The following RAPGEF6 variants were observed in gnomAD, a reference collection of about 807,000 sequenced individuals.
RAPGEF6 encodes Rap guanine nucleotide exchange factor 6.
In RAPGEF6, 56 loss-of-function variants were observed where a neutral mutation model predicts 171.4. The ratio of observed to expected loss-of-function variants is 0.33; its 90% CI spans 0.26 to 0.41. The LOEUF is 0.41. RAPGEF6 is among the 10% of genes least tolerant of loss of function. RAPGEF6 has a pLI of 1.00. For missense variants in RAPGEF6, 1,674 were observed against 1,921.4 expected, an observed-to-expected ratio of 0.87 and a Z score of 2.41; for synonymous variants, 692 against 650.1, an observed-to-expected ratio of 1.06 and a Z score of -0.98.
intron 26 of RAPGEF6, 145 bp downstream of exon 26, chr5:131,430,714 G>T: frequency 8.6e-7 from 1 of 1,162,556 alleles, no homozygotes; most frequent in Non-Finnish European, 1.3e-6. Flanking sequence ...TGAATTTTTG[G>T]GAAATAACTT....
intron 19 of RAPGEF6, among the ~76,000 whole-genome samples, chr5:131,460,503 C>T (rs762770582): frequency 4.2e-4 from 64 of 152,292 alleles, no homozygotes; most frequent in Non-Finnish European, 7.4e-4. Context: ...TTACTTGATG[C>T]TTCCTTTACA....
At chr5:131,554,498 T>C (rs895393207) in intron 5 of RAPGEF6, among the ~76,000 whole-genome samples, 8 of 152,226 alleles carry the variant, frequency 5.3e-5, no homozygotes, top group African/African-American at 1.9e-4. Context: ...GTTTAGCTAC[T>C]TATTAGCCTC....
At position 131,593,715 on chromosome 5, in the gene RAPGEF6, G is replaced by T. The variant is rs186078341; in HGVS notation, c.198-1249C>A. 3.7e-3 allele frequency among the ~76,000 whole-genome samples: 560 copies of T among 152,286 alleles called. 4 individuals are homozygous for T. Among genetic ancestry groups the T allele is most frequent in the African/African-American group, 0.013 (530 of 41,564 alleles). On this transcript the variant is annotated intron_variant, in intron 3 of 27. Transcript: ENST00000509018. Reference sequence around the variant, plus strand: ...TTAGCAATTAGACTGGTGGCATTTTGCCCCTGCCCTACAGATCTATGGAAC... The same window carrying T: ...TTAGCAATTAGACTGGTGGCATTTTTCCCCTGCCCTACAGATCTATGGAAC...
At chr5:131,501,508 G>GT (rs2149884773) in intron 11 of RAPGEF6, among the ~76,000 whole-genome samples, 1 of 152,042 alleles carries the variant, frequency 6.6e-6, no homozygotes, top group East Asian at 1.9e-4. Flanking sequence ...ACATTTTAAG[G>GT]TGTGTATAAA....
intron 6 of RAPGEF6, among the ~76,000 whole-genome samples, chr5:131,545,951 A>G (rs1002520892): frequency 3.3e-5 from 5 of 152,218 alleles, no homozygotes; most frequent in Non-Finnish European, 7.3e-5. Context: ...AAACAAACAG[A>G]ATCCCTAAGG....
rs190541515 is a variant in RAPGEF6, at chr5:131,452,080, C to T, written c.3200+974G>A. Among the ~76,000 whole-genome samples the T allele has an allele frequency of 5.7e-3, 864 of 152,184 alleles. 7 individuals carry two copies. Among genetic ancestry groups the T allele is most frequent in the Middle Eastern group, 0.021 (6 of 292 alleles). On this transcript the variant is annotated intron_variant, in intron 21 of 27. Coordinates refer to ENST00000509018, the MANE Select transcript of RAPGEF6 (RefSeq NM_016340.6). ...CTAAAAATACAAAAAATTAGCCGGG[C>T]GTAGTGGCAGGCGCCTGTTGTTCCA...
chr5:131,510,927 T>C (rs1446149480), intron 7 of RAPGEF6, among the ~76,000 whole-genome samples: 1 of 152,192 alleles, frequency 6.6e-6, no homozygotes, highest in Non-Finnish European at 1.5e-5. Flanking sequence ...CACAGAGACT[T>C]AGGCTTAGTA....
chr5:131,461,156 C>T (rs1753905243), intron 19 of RAPGEF6, among the ~76,000 whole-genome samples: 1 of 152,196 alleles, frequency 6.6e-6, no homozygotes, highest in South Asian at 2.1e-4. Context: ...AATGTCAAAA[C>T]ATTTTTATTA....
chr5:131,480,158 A>C (rs573718775), intron 15 of RAPGEF6, among the ~76,000 whole-genome samples: 6 of 152,332 alleles, frequency 3.9e-5, no homozygotes, highest in Admixed American at 6.5e-5. Context: ...CCCTTGAACA[A>C]CACCAGTTTG....
At chr5:131,561,924 A>G in intron 5 of RAPGEF6, 54 bp downstream of exon 5, 1 of 1,359,618 alleles carries the variant, frequency 7.4e-7, no homozygotes, top group Non-Finnish European at 1.0e-6. Flanking sequence ...TACTACATTT[A>G]AAGTTAAAAC....
At chr5:131,544,181 C>T (rs1272975820) in intron 6 of RAPGEF6, among the ~76,000 whole-genome samples, 1 of 152,132 alleles carries the variant, frequency 6.6e-6, no homozygotes, top group African/African-American at 2.4e-5. Context: ...GCCATATGAC[C>T]AGTCACCCAC....
At chr5:131,513,189 T>C (rs1193087245) in intron 7 of RAPGEF6, among the ~76,000 whole-genome samples, 1 of 152,230 alleles carries the variant, frequency 6.6e-6, no homozygotes, top group East Asian at 1.9e-4. Flanking sequence ...GTTTTAAATT[T>C]AAATATGTGT....
chr5:131,493,766 T>G (rs1340754874), intron 13 of RAPGEF6, among the ~76,000 whole-genome samples: 1 of 152,214 alleles, frequency 6.6e-6, no homozygotes, highest in East Asian at 1.9e-4. Flanking sequence ...AATGAATACC[T>G]GATGGCTAAC....
At chr5:131,463,366 G>A (rs1310147468) in intron 18 of RAPGEF6, among the ~76,000 whole-genome samples, 1 of 152,054 alleles carries the variant, frequency 6.6e-6, no homozygotes, top group Non-Finnish European at 1.5e-5. Context: ...ATCACTTGAG[G>A]TAAGGAGTTT....
At chr5:131,510,554 A>T in intron 7 of RAPGEF6, 63 bp from the exon 8 acceptor site, 1 of 1,500,994 alleles carries the variant, frequency 6.7e-7, no homozygotes, top group Non-Finnish European at 9.1e-7. Context: ...TCACAGTCTG[A>T]ATTAATCAAA....
chr5:131,612,980 T>G (rs1244103365), intron 1 of RAPGEF6, among the ~76,000 whole-genome samples: 1 of 152,230 alleles, frequency 6.6e-6, no homozygotes, highest in African/African-American at 2.4e-5. Context: ...TTTATCACTT[T>G]AAATCTGAAA....
At chr5:131,496,111 C>G (rs1756620415) in intron 12 of RAPGEF6, among the ~76,000 whole-genome samples, 3 of 152,052 alleles carry the variant, frequency 2.0e-5, no homozygotes, top group Admixed American at 1.3e-4. Context: ...GTGGCTGAAG[C>G]AAGGAGGATC....
At chr5:131,525,293 T>G (rs1398766839) in intron 6 of RAPGEF6, among the ~76,000 whole-genome samples, 1 of 150,670 alleles carries the variant, frequency 6.6e-6, no homozygotes, top group African/African-American at 2.5e-5. Flanking sequence ...CTCAACAAAT[T>G]ACAAAAGACT....
At position 131,442,398 on chromosome 5, in the gene RAPGEF6, A is replaced by G. The variant is rs1752443688; in HGVS notation, c.3561T>C (p.Val1187=). The change falls in exon 23 of 28, where the codon GTT becomes GTC. Residue 1187 remains valine (V), a synonymous_variant. Coordinates refer to ENST00000509018, the MANE Select transcript of RAPGEF6 (RefSeq NM_016340.6). ...RVSQVLQVPA[V]NLHPIRKKGQ... is the part of the protein sequence containing the mutation. ...CCTTCTTCCTGATGGGGTGCAAATT[A>G]ACAGCTGGCACCTGAAGCACCTGGC... 6.2e-7 allele frequency: 1 copy of G among 1,614,024 alleles called. No homozygotes were observed. The highest frequency in any genetic ancestry group is 1.3e-5 in the African/African-American group (1 of 74,928).
Sources: gnomAD v4.1 joint callset for allele counts (sites outside exome capture counted in the v4.1 genomes callset) on GRCh38, gnomAD v4.1.1 for gene constraint, MANE v1.5 for transcripts, NCBI Gene and HGNC (gene_info 2026-07-23, HGNC 2026-07-21) for gene names.